NSG1: variants seen among roughly 807,000 people sequenced by gnomAD.
NSG1 encodes the protein neuronal vesicle trafficking-associated protein 1.
In NSG1, 9 loss-of-function variants were observed where a neutral mutation model predicts 19.3. That is an observed-to-expected ratio of 0.47 (90% CI 0.28 to 0.81). The LOEUF (loss-of-function observed/expected upper bound fraction) is 0.81, where lower values mean the gene tolerates loss of function less well. Ranked by LOEUF, NSG1 falls within the 40% of genes least tolerant of loss-of-function variation. NSG1 has a pLI of 0.11. For synonymous variants in NSG1, 104 were observed against 107.0 expected, an observed-to-expected ratio of 0.97 and a Z score of 0.17; for missense variants, 236 against 242.4, an observed-to-expected ratio of 0.97 and a Z score of 0.18.
chr4:4,394,303 C>T (rs1423603240), intron 3 of NSG1, among the ~76,000 whole-genome samples: 2 of 152,084 alleles, frequency 1.3e-5, no homozygotes, highest in African/African-American at 2.4e-5. Context: ...GAATGTGCGG[C>T]GCCCTCCTTC....
chr4:4,407,040 C>T (rs891670718), intron 3 of NSG1, among the ~76,000 whole-genome samples: 1 of 152,266 alleles, frequency 6.6e-6, no homozygotes, highest in Non-Finnish European at 1.5e-5. Context: ...CTGGACTAAA[C>T]GGCGCCTTTC....
chr4:4,388,665 G>C (rs1393944025), intron 2 of NSG1, among the ~76,000 whole-genome samples: 1 of 152,000 alleles, frequency 6.6e-6, no homozygotes, highest in Non-Finnish European at 1.5e-5. Context: ...TTCTCATTTA[G>C]TCCCTGGTGA....
chr4:4,412,945 T>G (rs1233699926), intron 4 of NSG1, among the ~76,000 whole-genome samples: 4 of 152,002 alleles, frequency 2.6e-5, no homozygotes, highest in Non-Finnish European at 5.9e-5. Context: ...ACGCAGAGAG[T>G]CCTTACGCGA....
rs747491272 is a variant in NSG1, at chr4:4,387,589, G to C, written c.-26-15G>C. 4 of 1,490,160 alleles carry C rather than the reference G, an allele frequency of 2.7e-6. No individual in the cohort carries two copies. The highest frequency in any genetic ancestry group is 3.7e-6 in the Non-Finnish European group (4 of 1,092,028). 92.3% of individuals were successfully genotyped at this position (1,490,160 alleles called of 1,614,324 possible). ...GTCTTGCTTGTGGTGACTCCCCCCG[G>C]CCCTCCCGCCGCAGGCTGCAGCCTC... On this transcript the variant is annotated splice_polypyrimidine_tract_variant and intron_variant, in intron 1 of 4. Transcript: ENST00000621129.
chr4:4,403,851 A>G (rs529697400), intron 3 of NSG1, among the ~76,000 whole-genome samples: 34 of 152,236 alleles, frequency 2.2e-4, no homozygotes, highest in African/African-American at 7.9e-4. Context: ...GCTCCTCCTA[A>G]TGGTAGTGTT....
At position 4,391,583 on chromosome 4, in the gene NSG1, A is replaced by G. The variant is rs1234859500; in HGVS notation, c.238A>G (p.Arg80Gly). 1 of 1,606,568 alleles carries G rather than the reference A, an allele frequency of 6.2e-7. No individual in the cohort carries two copies. Among genetic ancestry groups the G allele is most frequent in the South Asian group, 1.1e-5 (1 of 90,678 alleles). ...CAGCATCACGGAGGGTGTCACCGAGAGGTTTAAGGTGAGTGGTCCTGTGCT... is the reference window on the plus strand; with the variant it reads ...CAGCATCACGGAGGGTGTCACCGAGGGGTTTAAGGTGAGTGGTCCTGTGCT... ...TVSITEGVTE[R>G]FKVSVLVLFA... Residue 80 changes from arginine (R) to glycine (G), a missense_variant, in exon 3 of 5, where the codon AGG becomes GGG. Physicochemically the swap from Arg to Gly is moderately radical, Grantham distance 125. Coordinates refer to ENST00000621129, the MANE Select transcript of NSG1 (RefSeq NM_014392.5).
intron 3 of NSG1, among the ~76,000 whole-genome samples, chr4:4,401,988 C>G (rs1410562465): frequency 2.6e-5 from 4 of 151,704 alleles, no homozygotes; most frequent in Non-Finnish European, 5.9e-5. Flanking sequence ...TGAAGCGATC[C>G]TCCCAAATCA....
chr4:4,403,091 TACTC>T (rs148906502), intron 3 of NSG1, among the ~76,000 whole-genome samples: 6 of 152,180 alleles, frequency 3.9e-5, no homozygotes, highest in African/African-American at 9.7e-5. Flanking sequence ...CTGCTGGTTG[TACTC>T]ACTCACTCAC....
chr4:4,386,940 G>A (rs372415900), upstream of NSG1: 13 of 152,062 alleles, frequency 8.5e-5, no homozygotes, highest in East Asian at 2.5e-3. Flanking sequence ...GGCCGGGCGG[G>A]CGCTGCGTCA....
Position 4,387,713 on chromosome 4 carries a change from G to A in NSG1, c.84G>A (p.Met28Ile), listed in dbSNP as rs758577131. The A allele has an allele frequency of 6.2e-7, 1 of 1,613,354 alleles. No homozygotes were observed. The highest frequency in any genetic ancestry group is 1.7e-5 in the Admixed American group (1 of 60,008). ...LEDGFDTIPL[M>I]TPLDVNQLQF... ...ATGGCTTCGACACCATTCCCCTGAT[G>A]ACGCCCCTCGATGTCAATCAGCTGC... Residue 28 changes from methionine (M) to isoleucine (I), a missense_variant, in exon 2 of 5, where the codon ATG (methionine) becomes ATA (isoleucine). Met to Ile is a conservative substitution (Grantham distance 10). Transcript: ENST00000621129.
At chr4:4,407,979 C>T (rs552234554) in intron 3 of NSG1, among the ~76,000 whole-genome samples, 53 of 152,222 alleles carry the variant, frequency 3.5e-4, no homozygotes, top group African/African-American at 1.3e-3. Flanking sequence ...CCGCCCGTCT[C>T]CCAGGTGACC....
chr4:4,416,738 C>T (rs1288808200), intron 4 of NSG1, among the ~76,000 whole-genome samples: 4 of 152,024 alleles, frequency 2.6e-5, no homozygotes, highest in Admixed American at 1.3e-4. Context: ...CTCTGTGTGC[C>T]TCTTCTGACT....
intron 3 of NSG1, among the ~76,000 whole-genome samples, chr4:4,404,405 C>T (rs567814259): frequency 4.6e-5 from 7 of 152,202 alleles, no homozygotes; most frequent in Non-Finnish European, 8.8e-5. Context: ...GGTGCTGGGC[C>T]GGCATCCCCC....
At chr4:4,390,731 G>T (rs1231114427) in intron 2 of NSG1, among the ~76,000 whole-genome samples, 2 of 152,222 alleles carry the variant, frequency 1.3e-5, no homozygotes, top group African/African-American at 4.8e-5. Flanking sequence ...AACGGGTGTG[G>T]TGAGTGATGA....
chr4:4,416,507 G>A (rs958476128), intron 4 of NSG1, among the ~76,000 whole-genome samples: 3 of 152,156 alleles, frequency 2.0e-5, no homozygotes, highest in Admixed American at 6.5e-5. Context: ...CTCACCTCAA[G>A]GACAGGCTGC....
At chr4:4,402,933 C>T (rs1277764159) in intron 3 of NSG1, among the ~76,000 whole-genome samples, 1 of 152,258 alleles carries the variant, frequency 6.6e-6, no homozygotes, top group African/African-American at 2.4e-5. Flanking sequence ...GCTTCCTTCC[C>T]AGGCGAGATC....
intron 3 of NSG1, among the ~76,000 whole-genome samples, chr4:4,402,814 C>A (rs1034290793): frequency 6.6e-6 from 1 of 152,220 alleles, no homozygotes; most frequent in African/African-American, 2.4e-5. Context: ...TAAGGAAATG[C>A]GCTTCTCCCA....
At chr4:4,412,745 G>A (rs894271215) in intron 4 of NSG1, among the ~76,000 whole-genome samples, 37 of 152,298 alleles carry the variant, frequency 2.4e-4, no homozygotes, top group African/African-American at 8.7e-4. Flanking sequence ...TCAGTAGCTG[G>A]CTCTGAACTT....
chr4:4,401,608 C>T (rs930442522), intron 3 of NSG1, among the ~76,000 whole-genome samples: 1 of 152,126 alleles, frequency 6.6e-6, no homozygotes, highest in African/African-American at 2.4e-5. Context: ...TAGCAGTTCT[C>T]GCCCTGTGTT....
Sources: allele counts gnomAD v4.1 joint callset (sites outside exome capture counted in the v4.1 genomes callset), GRCh38; gene constraint gnomAD v4.1.1; transcripts MANE v1.5; gene names NCBI Gene and HGNC (gene_info 2026-07-23, HGNC 2026-07-21).